C17orf67: variants seen among roughly 807,000 people sequenced by gnomAD.
C17orf67 encodes chromosome 17 open reading frame 67, also known as uncharacterized protein C17orf67.
C17orf67 carries 12 observed loss-of-function variants against 11.2 expected under a neutral mutation model. The ratio of observed to expected loss-of-function variants is 1.07; its 90% CI spans 0.68 to 1.73. The LOEUF is 1.73. C17orf67 is among the 40% of genes most tolerant of loss of function. C17orf67 has a pLI of 0.00. For missense variants in C17orf67, 115 were observed against 113.5 expected (o/e 1.01, Z -0.06); for synonymous variants, 59 against 46.9 (o/e 1.26, Z -1.05).
intron 6 of C17orf67, among the ~76,000 whole-genome samples, chr17:56,803,171 G>C (rs1310800752): frequency 6.6e-6 from 1 of 152,230 alleles, no homozygotes; most frequent in Non-Finnish European, 1.5e-5. Flanking sequence ...GGTTTCACAA[G>C]GAAAAGCATG....
chr17:56,823,221 T>G (rs1046018070), intron 4 of C17orf67, among the ~76,000 whole-genome samples: 1 of 152,122 alleles, frequency 6.6e-6, no homozygotes, highest in Non-Finnish European at 1.5e-5. Context: ...GCTCTAGTTC[T>G]GGGGAAAAAT....
chr17:56,809,519 A>C (rs547192840), intron 6 of C17orf67, among the ~76,000 whole-genome samples: 3 of 150,006 alleles, frequency 2.0e-5, no homozygotes, highest in African/African-American at 4.9e-5. Context: ...CACCCCTCAC[A>C]CATACACCCT....
chr17:56,824,088 G>A (rs1421648867), intron 4 of C17orf67, among the ~76,000 whole-genome samples: 1 of 152,178 alleles, frequency 6.6e-6, no homozygotes, highest in Admixed American at 6.5e-5. Flanking sequence ...TTGGGAGGTG[G>A]GGCCTTTAAG....
At chr17:56,830,391 T>C (rs1906165380) in intron 2 of C17orf67, among the ~76,000 whole-genome samples, 1 of 151,970 alleles carries the variant, frequency 6.6e-6, no homozygotes, top group Non-Finnish European at 1.5e-5. Flanking sequence ...GGGAGATTTA[T>C]TTTGGGATAA....
At chr17:56,795,341 G>A in intron 6 of C17orf67, 161 bp from the exon 7 acceptor site, 1 of 641,610 alleles carries the variant, frequency 1.6e-6, no homozygotes, top group Non-Finnish European at 2.8e-6. Flanking sequence ...GGGAAGACCA[G>A]TCAGACTGAC....
intron 7 of C17orf67, 55 bp downstream of exon 7, chr17:56,794,989 T>G: frequency 6.2e-6 from 8 of 1,285,284 alleles, no homozygotes; most frequent in Admixed American, 1.7e-5. Flanking sequence ...GCCCATGCCA[T>G]GCTGTCCCCC....
At position 56,795,111 on chromosome 17, in the gene C17orf67, G is replaced by C. The variant is rs1905185853; in HGVS notation, c.226C>G (p.Pro76Ala). 2 of 1,614,090 alleles carry C rather than the reference G, an allele frequency of 1.2e-6. No homozygotes were observed. Among genetic ancestry groups the C allele is most frequent in the East Asian group, 4.5e-5 (2 of 44,876 alleles). The change falls in exon 7 of 8, where the codon CCT becomes GCT. Residue 76 changes from proline to alanine, a missense_variant. Coordinates refer to ENST00000397861, the MANE Select transcript of C17orf67 (RefSeq NM_001085430.4). ...CTGTCACAGTGGGGTTTGCAGTGAGGGTTCAGCCAGTGCTCCAGGAACTGC... is the reference window on the plus strand; with the variant it reads ...CTGTCACAGTGGGGTTTGCAGTGAGCGTTCAGCCAGTGCTCCAGGAACTGC... ...EEQFLEHWLN[P>A]HCKPHCDRNR...
chr17:56,803,491 CA>C (rs1448052217), intron 6 of C17orf67, among the ~76,000 whole-genome samples: 1 of 152,254 alleles, frequency 6.6e-6, no homozygotes, highest in African/African-American at 2.4e-5. Context: ...CTGTCCCTCT[CA>C]GCCAAATATC....
intron 2 of C17orf67, among the ~76,000 whole-genome samples, chr17:56,827,982 G>T (rs1210955732): frequency 6.6e-6 from 1 of 152,016 alleles, no homozygotes; most frequent in Admixed American, 6.6e-5. Context: ...CAAGGCAGGC[G>T]GATCGCGAGA....
At chr17:56,823,265 T>C (rs546201146) in intron 4 of C17orf67, among the ~76,000 whole-genome samples, 3 of 152,286 alleles carry the variant, frequency 2.0e-5, no homozygotes, top group South Asian at 4.1e-4. Context: ...GTGGGATCTC[T>C]GTTGGGATGA....
intron 4 of C17orf67, among the ~76,000 whole-genome samples, chr17:56,818,722 TAATC>T (rs1905824436): frequency 6.6e-6 from 1 of 152,328 alleles, no homozygotes; most frequent in Non-Finnish European, 1.5e-5. Flanking sequence ...TTTTAACACA[TAATC>T]AATATAAACA....
rs1377322557 is a variant in C17orf67, at chr17:56,833,216, T to C, written c.-875A>G. On this transcript the variant is annotated 5_prime_UTR_variant, in exon 2 of 8. Coordinates refer to ENST00000397861, the MANE Select transcript of C17orf67 (RefSeq NM_001085430.4). ...TTTCTTCGGGGGTGCTGAGCAGCGG[T>C]GCTTCCGCGTCCGCGTTCTCCGGGT... is the stretch of plus-strand genomic sequence containing the variant. The C allele has an allele frequency of 2.0e-5, 3 of 153,664 alleles. No homozygotes were observed. Among genetic ancestry groups the C allele is most frequent in the African/African-American group, 7.2e-5 (3 of 41,472 alleles). The allele number at this position is 153,664 out of a possible 1,614,324, so 9.5% of individuals were successfully genotyped here. A position where few individuals can be genotyped will look rare whatever the true frequency, so the allele number is the denominator to read the frequency against.
intron 6 of C17orf67, among the ~76,000 whole-genome samples, chr17:56,808,594 A>G (rs1008383380): frequency 2.6e-5 from 4 of 152,144 alleles, no homozygotes; most frequent in Admixed American, 6.5e-5. Context: ...CCCTCCCTAC[A>G]GTACAGGGTT....
At chr17:56,820,306 T>C (rs558156891) in intron 4 of C17orf67, among the ~76,000 whole-genome samples, 26 of 152,286 alleles carry the variant, frequency 1.7e-4, no homozygotes, top group African/African-American at 5.8e-4. Context: ...ACAAGTAAGA[T>C]AGTTATTAAT....
At chr17:56,829,570 C>T (rs1010985052) in intron 2 of C17orf67, among the ~76,000 whole-genome samples, 1 of 152,198 alleles carries the variant, frequency 6.6e-6, no homozygotes, top group Non-Finnish European at 1.5e-5. Flanking sequence ...GCCTCCAGAG[C>T]TGCCAGGCCA....
Position 56,792,270 on chromosome 17 carries a change from A to G in C17orf67, c.*103T>C, listed in dbSNP as rs1158114174. The G allele has an allele frequency of 6.6e-6, 1 of 152,258 alleles. No homozygotes were observed. The highest frequency in any genetic ancestry group is 1.5e-5 in the Non-Finnish European group (1 of 68,050). 9.4% of individuals were successfully genotyped at this position (152,258 alleles called of 1,614,324 possible). Reference sequence around the variant, plus strand: ...CAGTTCACGAGGTCTGAAGACATCCATTTCTGCAATTTAAAAACAAGTGAA... The same window carrying G: ...CAGTTCACGAGGTCTGAAGACATCCGTTTCTGCAATTTAAAAACAAGTGAA... On this transcript the variant is annotated 3_prime_UTR_variant, in exon 8 of 8. Coordinates refer to ENST00000397861, the MANE Select transcript of C17orf67 (RefSeq NM_001085430.4).
intron 1 of C17orf67, 38 bp downstream of exon 1, chr17:56,833,580 A>G (rs929550023): frequency 1.3e-5 from 2 of 150,576 alleles, no homozygotes; most frequent in Non-Finnish European, 3.0e-5. Flanking sequence ...GCAGCGGAGG[A>G]GCCCTCAGGT....
At chr17:56,805,519 C>T (rs960326323) in intron 6 of C17orf67, among the ~76,000 whole-genome samples, 69 of 152,328 alleles carry the variant, frequency 4.5e-4, no homozygotes, top group African/African-American at 1.7e-3. Context: ...ATATCTCTAC[C>T]TTAAAACCTC....
chr17:56,792,707 C>T (rs1332987779), intron 7 of C17orf67, among the ~76,000 whole-genome samples: 68 of 3,352 alleles, frequency 0.02, 1 homozygote, highest in Middle Eastern at 0.12. Context: ...GCAATGGTGA[C>T]GATGATGATG....
Sources: gnomAD v4.1 joint callset for allele counts (sites outside exome capture counted in the v4.1 genomes callset) on GRCh38, gnomAD v4.1.1 for gene constraint, MANE v1.5 for transcripts, NCBI Gene and HGNC (gene_info 2026-07-23, HGNC 2026-07-21) for gene names.